Variants in GPSM2 observed in about 807,000 individuals in gnomAD.
The protein encoded by GPSM2 is G protein signaling modulator 2, also known as G protein-signaling modulator 2.
A neutral mutation model predicts 78.4 loss-of-function variants in GPSM2; 58 were observed. The ratio of observed to expected loss-of-function variants is 0.74; its 90% confidence interval spans 0.60 to 0.92. The LOEUF (loss-of-function observed/expected upper bound fraction) is 0.92. Ranked by LOEUF, GPSM2 falls within the 40% of genes least tolerant of loss-of-function variation. GPSM2 has a pLI of 0.00. For missense variants in GPSM2, 700 were observed against 815.5 expected (o/e 0.86, Z 1.73); for synonymous variants, 224 against 280.2 (o/e 0.80, Z 2.00).
intron 2 of GPSM2, among the ~76,000 whole-genome samples, chr1:108,889,631 A>G (rs554784495): frequency 2.0e-5 from 3 of 152,296 alleles, no homozygotes; most frequent in South Asian, 4.1e-4. Context: ...TGGGGAGGAA[A>G]GTCTTTGAAG....
At chr1:108,912,074 C>T (rs1420325966) in intron 10 of GPSM2, among the ~76,000 whole-genome samples, 1 of 152,036 alleles carries the variant, frequency 6.6e-6, no homozygotes, top group Non-Finnish European at 1.5e-5. Flanking sequence ...TCCCAAAGTG[C>T]TGGGATTACA....
chr1:108,904,873 T>C (rs909577836), intron 10 of GPSM2, among the ~76,000 whole-genome samples: 1 of 152,148 alleles, frequency 6.6e-6, no homozygotes, highest in Non-Finnish European at 1.5e-5. Flanking sequence ...AAAGAAAATC[T>C]ACTTTTAAAG....
At chr1:108,929,632 A>C (rs1651552469) in intron 14 of GPSM2, 69 bp from the exon 15 acceptor site, 4 of 1,436,316 alleles carry the variant, frequency 2.8e-6, no homozygotes, top group Admixed American at 1.7e-5. Context: ...GTTGTGACTG[A>C]GAGATTTAAC....
In GPSM2 at chr1:108,931,653, T is replaced by A; in HGVS notation, c.*1713T>A. 7 of 919,836 alleles carry A rather than the reference T, an allele frequency of 7.6e-6. No individual in the cohort carries two copies. Among genetic ancestry groups the A allele is most frequent in the Non-Finnish European group, 1.1e-5 (7 of 650,512 alleles). 57.0% of individuals were successfully genotyped at this position (919,836 alleles called of 1,614,324 possible). On this transcript the variant is annotated 3_prime_UTR_variant, in exon 15 of 15. Coordinates refer to ENST00000264126, the MANE Select transcript of GPSM2 (RefSeq NM_013296.5). ...TAAAAAAAAAAAAAAAGTTCTAAATTACAACCTGGATTACATTATGTTTCA... is the reference window on the plus strand; with the variant it reads ...TAAAAAAAAAAAAAAAGTTCTAAATAACAACCTGGATTACATTATGTTTCA...
intron 2 of GPSM2, among the ~76,000 whole-genome samples, chr1:108,889,133 A>C (rs560483078): frequency 1.3e-5 from 2 of 152,326 alleles, no homozygotes; most frequent in Admixed American, 1.3e-4. Flanking sequence ...ACATAAATTT[A>C]ATTTATTTAG....
chr1:108,891,485 A>T (rs569669005), intron 2 of GPSM2, among the ~76,000 whole-genome samples: 47 of 152,064 alleles, frequency 3.1e-4, no homozygotes, highest in African/African-American at 1.1e-3. Flanking sequence ...TACCTATCTT[A>T]GAAGGTTATT....
intron 9 of GPSM2, 95 bp from the exon 10 acceptor site, chr1:108,904,030 T>C (rs1649035387): frequency 1.2e-6 from 1 of 833,946 alleles, no homozygotes; most frequent in African/African-American, 1.7e-5. Flanking sequence ...TTTCTCTATA[T>C]TTTCTTCTAG....
At chr1:108,926,062 G>A (rs371531073) in intron 14 of GPSM2, among the ~76,000 whole-genome samples, 1 of 152,094 alleles carries the variant, frequency 6.6e-6, no homozygotes, top group African/African-American at 2.4e-5. Flanking sequence ...TGGAGTTGGG[G>A]AGCACTATAA....
intron 2 of GPSM2, among the ~76,000 whole-genome samples, chr1:108,893,142 TC>T (rs751802677): frequency 6.6e-6 from 1 of 152,230 alleles, no homozygotes; most frequent in Non-Finnish European, 1.5e-5. Flanking sequence ...GATCAATGGT[TC>T]CAGTAAAATG....
At position 108,894,305 on chromosome 1, in the gene GPSM2, A is replaced by G. The variant is rs186131316; in HGVS notation, c.57-2559A>G. 9.2e-5 allele frequency among the ~76,000 whole-genome samples: 14 copies of G among 152,326 alleles called. No homozygotes were observed. The East Asian group carries it at 2.3e-3, about 25-fold the overall frequency. ...TTCTGATTTAACTGCTTATCTTACTATGTATTTTAGATCTTCTCTCCTGTA... is the reference window on the plus strand; with the variant it reads ...TTCTGATTTAACTGCTTATCTTACTGTGTATTTTAGATCTTCTCTCCTGTA... On this transcript the variant is annotated intron_variant, in intron 2 of 14. Coordinates refer to ENST00000264126, the MANE Select transcript of GPSM2 (RefSeq NM_013296.5).
intron 14 of GPSM2, among the ~76,000 whole-genome samples, chr1:108,928,541 C>A (rs1277261285): frequency 6.6e-6 from 1 of 152,226 alleles, no homozygotes; most frequent in African/African-American, 2.4e-5. Flanking sequence ...TATGTCTTAT[C>A]ACAGTCCCTA....
At chr1:108,878,159 T>C (rs1053912330) in intron 1 of GPSM2, among the ~76,000 whole-genome samples, 2 of 152,152 alleles carry the variant, frequency 1.3e-5, no homozygotes, top group African/African-American at 2.4e-5. Flanking sequence ...CCACTTTTGA[T>C]TGGGTTCTCA....
intron 7 of GPSM2, among the ~76,000 whole-genome samples, 167 bp from the exon 8 acceptor site, chr1:108,901,623 T>C: frequency 6.6e-6 from 1 of 152,232 alleles, no homozygotes; most frequent in East Asian, 1.9e-4. Flanking sequence ...AAACGTCTTT[T>C]CATTTTGTCT....
intron 11 of GPSM2, among the ~76,000 whole-genome samples, chr1:108,917,609 C>CATATATATATATATATATATATAT (rs761319516): frequency 1.1e-5 from 1 of 90,192 alleles, no homozygotes; most frequent in Admixed American, 1.5e-4. Flanking sequence ...CACACACACA[C>CATATATATATATATATATATATAT]ACATATATAT....
intron 12 of GPSM2, among the ~76,000 whole-genome samples, chr1:108,920,856 A>G (rs934968695): frequency 1.3e-5 from 2 of 152,208 alleles, no homozygotes; most frequent in African/African-American, 4.8e-5. Flanking sequence ...TTTAGGAGCC[A>G]TATGTGTTTT....
chr1:108,921,339 G>T (rs1057072200), intron 12 of GPSM2, among the ~76,000 whole-genome samples: 2 of 151,742 alleles, frequency 1.3e-5, no homozygotes, highest in African/African-American at 4.8e-5. Context: ...AGAATTGCTT[G>T]AACCTGGGAG....
At chr1:108,880,218 A>G (rs912874561) in intron 1 of GPSM2, among the ~76,000 whole-genome samples, 8 of 152,356 alleles carry the variant, frequency 5.3e-5, no homozygotes, top group African/African-American at 1.4e-4. Context: ...ATATTTTCCT[A>G]TGGAGAATTC....
rs139114628 is a variant in GPSM2, at chr1:108,901,806, G to T, written c.814G>T (p.Ala272Ser). 6.2e-7 allele frequency: 1 copy of T among 1,611,556 alleles called. No individual in the cohort carries two copies. Among genetic ancestry groups the T allele is most frequent in the Non-Finnish European group, 8.5e-7 (1 of 1,177,748 alleles). The change falls in exon 8 of 15, where the codon GCC becomes TCC. Residue 272 changes from alanine (A) to serine (S), a missense_variant. Transcript: ENST00000264126. The stretch of plus-strand genomic sequence containing the variant: ...TTCTTGTAGGAAGACACTACTGTTG[G>T]CCCGACAGCTTAAAGACCGAGCTGT... ...SEYYKKTLLL[A>S]RQLKDRAVEA...
At chr1:108,901,690 A>G (rs1570909553) in intron 7 of GPSM2, 100 bp from the exon 8 acceptor site, 1 of 873,752 alleles carries the variant, frequency 1.1e-6, no homozygotes, top group East Asian at 2.4e-5. Context: ...ATTTAAAGAC[A>G]GCAGAAAGCA....
Sources: gnomAD v4.1 joint callset for allele counts (sites outside exome capture counted in the v4.1 genomes callset) on GRCh38, gnomAD v4.1.1 for gene constraint, MANE v1.5 for transcripts, NCBI Gene and HGNC (gene_info 2026-07-23, HGNC 2026-07-21) for gene names.